Variants in HS3ST5 observed in about 807,000 individuals in gnomAD.
HS3ST5 encodes heparan sulfate glucosamine 3-O-sulfotransferase 5.
In HS3ST5, 10 loss-of-function variants were observed where a neutral mutation model predicts 25.4. That is an observed-to-expected ratio of 0.39 (90% CI 0.24 to 0.67). HS3ST5 has a LOEUF of 0.67. Ranked by LOEUF, HS3ST5 falls within the 30% of genes least tolerant of loss-of-function variation. The pLI is 0.44. For missense variants in HS3ST5, 324 were observed against 420.7 expected (o/e 0.77, Z 2.01); for synonymous variants, 170 against 162.4 (o/e 1.05, Z -0.36).
At chr6:114,272,930 G>A (rs536655687) in intron 1 of HS3ST5, among the ~76,000 whole-genome samples, 2 of 152,116 alleles carry the variant, frequency 1.3e-5, no homozygotes, top group East Asian at 2.0e-4. Context: ...AGAGACATAC[G>A]AGAGAGGGGG....
chr6:114,218,412 G>A (rs1477448050), intron 2 of HS3ST5, among the ~76,000 whole-genome samples: 7 of 152,138 alleles, frequency 4.6e-5, no homozygotes, highest in Admixed American at 2.0e-4. Flanking sequence ...AAGCAGTTCC[G>A]GTTTCAATGA....
chr6:114,160,169 G>A (rs1212344400), intron 3 of HS3ST5, among the ~76,000 whole-genome samples: 11 of 152,152 alleles, frequency 7.2e-5, no homozygotes, highest in South Asian at 4.1e-4. Flanking sequence ...AGCAATAGGC[G>A]TGCATTTGCT....
chr6:114,242,212 T>A (rs1195375990), intron 1 of HS3ST5, among the ~76,000 whole-genome samples: 3 of 152,236 alleles, frequency 2.0e-5, no homozygotes, highest in African/African-American at 7.2e-5. Flanking sequence ...GTCTGATTAA[T>A]GACTTTTATA....
At chr6:114,106,936 C>T (rs1047351337) in intron 3 of HS3ST5, among the ~76,000 whole-genome samples, 2 of 151,802 alleles carry the variant, frequency 1.3e-5, no homozygotes, top group South Asian at 4.1e-4. Flanking sequence ...ATTAGAAGAC[C>T]AACAAATGGT....
At chr6:114,234,264 T>C (rs1024162350) in intron 1 of HS3ST5, among the ~76,000 whole-genome samples, 8 of 151,412 alleles carry the variant, frequency 5.3e-5, no homozygotes, top group Admixed American at 4.0e-4. Context: ...AAATACTTTC[T>C]AGTTTTCACA....
At chr6:114,230,123 C>CTTTTTTT (rs910225173) in intron 1 of HS3ST5, 1 of 75,972 alleles carries the variant, frequency 1.3e-5, no homozygotes. Context: ...TGGAACTTGC[C>CTTTTTTT]TTTTTTTTTT....
At chr6:114,207,476 A>G (rs192602082) in intron 2 of HS3ST5, among the ~76,000 whole-genome samples, 23 of 152,308 alleles carry the variant, frequency 1.5e-4, no homozygotes, top group African/African-American at 5.5e-4. Flanking sequence ...ATAGAGAAGC[A>G]TAAAGAGCAG....
intron 1 of HS3ST5, among the ~76,000 whole-genome samples, chr6:114,319,307 T>G (rs1402351090): frequency 6.6e-6 from 1 of 152,186 alleles, no homozygotes; most frequent in Admixed American, 6.5e-5. Context: ...TTCAAAGATA[T>G]TACTCCTGGG....
At chr6:114,237,568 C>T (rs1326161655) in intron 1 of HS3ST5, among the ~76,000 whole-genome samples, 1 of 152,174 alleles carries the variant, frequency 6.6e-6, no homozygotes, top group Non-Finnish European at 1.5e-5. Context: ...TCTGGTTCCA[C>T]TGGTCTGGGG....
intron 1 of HS3ST5, among the ~76,000 whole-genome samples, chr6:114,313,471 T>A (rs115306910): frequency 2.6e-3 from 389 of 152,340 alleles, no homozygotes; most frequent in African/African-American, 8.9e-3. Context: ...TAAAGAGTTG[T>A]GGTATGTCCA....
chr6:114,285,518 T>C (rs1774300453), intron 1 of HS3ST5, among the ~76,000 whole-genome samples: 2 of 152,072 alleles, frequency 1.3e-5, no homozygotes, highest in South Asian at 4.1e-4. Context: ...ATTTCTGCCA[T>C]ATGTGTCAAC....
At chr6:114,060,228 G>A (rs1392890863) in intron 4 of HS3ST5, among the ~76,000 whole-genome samples, 1 of 151,894 alleles carries the variant, frequency 6.6e-6, no homozygotes, top group Non-Finnish European at 1.5e-5. Context: ...TGGCCTGGCT[G>A]GTCTTGAACT....
At chr6:114,328,345 T>C (rs1305250995) in intron 1 of HS3ST5, among the ~76,000 whole-genome samples, 1 of 152,120 alleles carries the variant, frequency 6.6e-6, no homozygotes, top group Non-Finnish European at 1.5e-5. Flanking sequence ...TTTCTTTCCA[T>C]CTGTGCCACC....
intron 3 of HS3ST5, among the ~76,000 whole-genome samples, chr6:114,106,205 C>T (rs1426835786): frequency 6.6e-6 from 1 of 151,982 alleles, no homozygotes; most frequent in African/African-American, 2.4e-5. Context: ...CGAACTATCC[C>T]TACTTGAATG....
At chr6:114,184,101 C>T (rs186547768) in intron 2 of HS3ST5, among the ~76,000 whole-genome samples, 13 of 113,648 alleles carry the variant, frequency 1.1e-4, no homozygotes, top group Middle Eastern at 0.01. Flanking sequence ...CTCGCTCTGT[C>T]GCCCAGGCTA....
chr6:114,098,748 T>TC (rs2114814924), intron 3 of HS3ST5, among the ~76,000 whole-genome samples: 1 of 152,034 alleles, frequency 6.6e-6, no homozygotes, highest in African/African-American at 2.4e-5. Flanking sequence ...TTAGAATAAA[T>TC]AACTGTGTAA....
intron 2 of HS3ST5, among the ~76,000 whole-genome samples, chr6:114,188,894 G>GA (rs980776226): frequency 1.3e-5 from 2 of 152,122 alleles, no homozygotes; most frequent in African/African-American, 4.8e-5. Flanking sequence ...CTCTTTTGGA[G>GA]AAATCTCTTA....
chr6:114,058,164 C>G lies in HS3ST5; in HGVS notation c.134G>C (p.Gly45Ala), dbSNP rs1450065473. 6.2e-7 allele frequency: 1 copy of G among 1,607,790 alleles called. No individual in the cohort carries two copies. The highest frequency in any genetic ancestry group is 1.3e-5 in the African/African-American group (1 of 74,796). Reference protein sequence around the residue: ...DRLQPICPIEGRLGGARTQAE... With the variant: ...DRLQPICPIEARLGGARTQAE... ...CTGAGTGCGGGCTCCACCCAGTCGACCTTCAATGGGGCAAATGGGTTGTAG... is the reference window on the plus strand; with the variant it reads ...CTGAGTGCGGGCTCCACCCAGTCGAGCTTCAATGGGGCAAATGGGTTGTAG... Residue 45 changes from glycine (G) to alanine (A), a missense_variant, in exon 5 of 5, where the codon GGT (glycine) becomes GCT (alanine). Around this residue, in one of 2 missense-constraint regions of HS3ST5, gnomAD observed 121 missense variants for 117.3 expected, o/e 1.03. Coordinates refer to ENST00000312719, the MANE Select transcript of HS3ST5 (RefSeq NM_153612.4).
At chr6:114,065,578 A>G (rs1240363028) in intron 3 of HS3ST5, among the ~76,000 whole-genome samples, 1 of 152,206 alleles carries the variant, frequency 6.6e-6, no homozygotes, top group Non-Finnish European at 1.5e-5. Context: ...TGTAGTAAGA[A>G]TGAAATGAGT....
Sources: allele counts gnomAD v4.1 joint callset (sites outside exome capture counted in the v4.1 genomes callset), GRCh38; gene constraint gnomAD v4.1.1; regional missense constraint gnomAD v4.1.1; transcripts MANE v1.5; gene names NCBI Gene and HGNC (gene_info 2026-07-23, HGNC 2026-07-21).